The following MXD3 variants were observed in gnomAD, a reference collection of about 807,000 sequenced individuals.
MXD3 encodes Max-associated protein 3.
MXD3 carries 20 observed loss-of-function variants against 27.5 expected under a neutral mutation model. The ratio of observed to expected loss-of-function variants is 0.73; its 90% CI spans 0.51 to 1.06. MXD3 has a LOEUF of 1.06. MXD3 is among the 50% of genes least tolerant of loss of function. MXD3 has a pLI of 0.00. For missense variants in MXD3, 298 were observed against 291.3 expected (o/e 1.02, Z -0.17); for synonymous variants, 150 against 130.7 (o/e 1.15, Z -1.01).
chr5:177,305,844 C>A, downstream of MXD3: 2 of 1,593,248 alleles, frequency 1.3e-6, no homozygotes, highest in Non-Finnish European at 1.7e-6. Flanking sequence ...AAAGACTGTT[C>A]CACGATTGTG....
At chr5:177,311,916 G>C (rs575103640), upstream of MXD3, 3 of 1,490,852 alleles carry the variant, frequency 2.0e-6, no homozygotes, top group South Asian at 2.5e-5. Flanking sequence ...AACTGACACG[G>C]TGCAACAAAC....
chr5:177,305,787 C>A, downstream of MXD3: 2 of 1,133,566 alleles, frequency 1.8e-6, no homozygotes, highest in Non-Finnish European at 2.6e-6. Context: ...TGCTTCGCCT[C>A]ATGAAAAGTG....
intron 4 of MXD3, among the ~76,000 whole-genome samples, chr5:177,308,577 T>C (rs895377111): frequency 2.0e-5 from 3 of 152,078 alleles, no homozygotes; most frequent in Non-Finnish European, 4.4e-5. Flanking sequence ...TTCACCATAT[T>C]GGTCAGGCTG....
upstream of MXD3, chr5:177,312,642 A>C: frequency 1.0e-6 from 1 of 985,416 alleles, no homozygotes; most frequent in Non-Finnish European, 1.2e-6. Flanking sequence ...GAATGGGAAT[A>C]ATATCTCGGC....
intron 4 of MXD3, 40 bp downstream of exon 4, chr5:177,310,386 C>T: frequency 6.5e-7 from 1 of 1,537,510 alleles, no homozygotes. Context: ...GCCCTCCATA[C>T]ACCAGGGCAA....
chr5:177,309,142 C>A (rs1442468409), intron 4 of MXD3, among the ~76,000 whole-genome samples: 1 of 152,190 alleles, frequency 6.6e-6, no homozygotes, highest in African/African-American at 2.4e-5. Flanking sequence ...AAAAGAGCAG[C>A]CTACTGGCAA....
At chr5:177,305,688 C>T (rs575174296), downstream of MXD3, 5 of 606,398 alleles carry the variant, frequency 8.2e-6, no homozygotes, top group South Asian at 5.9e-5. Context: ...GAGAGGTTTT[C>T]GAGAGCAAAA....
chr5:177,308,984 TG>T (rs1257711357), intron 4 of MXD3, among the ~76,000 whole-genome samples: 5 of 152,172 alleles, frequency 3.3e-5, no homozygotes, highest in Non-Finnish European at 7.3e-5. Flanking sequence ...AGGGGAGAAC[TG>T]GGCCATGGAG....
downstream of MXD3, chr5:177,306,338 A>G (rs781678379): frequency 2.5e-6 from 4 of 1,600,142 alleles, no homozygotes; most frequent in African/African-American, 5.4e-5. Context: ...AGCCTGGCCC[A>G]GAGGAGATTG....
At chr5:177,306,348 G>T, downstream of MXD3, 1 of 1,603,516 alleles carries the variant, frequency 6.2e-7, no homozygotes, top group Admixed American at 1.7e-5. Context: ...AGAGGAGATT[G>T]GTGTCATGGG....
At chr5:177,305,660 C>G, downstream of MXD3, 3 of 573,244 alleles carry the variant, frequency 5.2e-6, no homozygotes, top group South Asian at 6.1e-5. Flanking sequence ...CTTTTGCCTT[C>G]TAGTTTAAGA....
chr5:177,306,276 C>A, downstream of MXD3: 1 of 1,557,828 alleles, frequency 6.4e-7, no homozygotes, highest in Non-Finnish European at 8.8e-7. Flanking sequence ...TGAGCTGGGA[C>A]TCCTTGTCTG....
downstream of MXD3, chr5:177,306,499 A>T (rs1760880015): frequency 6.2e-7 from 1 of 1,613,610 alleles, no homozygotes; most frequent in African/African-American, 1.3e-5. Context: ...ACTGGCAGCT[A>T]CAGAGAAGGC....
Position 177,307,696 on chromosome 5 carries a change from C to T in MXD3, c.513G>A (p.Leu171=), listed in dbSNP as rs761381231. 1.9e-6 allele frequency: 3 copies of T among 1,613,830 alleles called. 1 individual carries two copies. The highest frequency in any genetic ancestry group is 2.2e-5 in the South Asian group (2 of 91,088). The change falls in exon 6 of 6, where the codon CTG becomes CTA. Residue 171 remains leucine, a synonymous_variant. Coordinates refer to ENST00000439742, the MANE Select transcript of MXD3 (RefSeq NM_031300.4). ...ACACCAGGCTCTCCACATCCACCTCCAGCTCCTCTGCGCGGGGAGGGGTCC... is the reference window on the plus strand; with the variant it reads ...ACACCAGGCTCTCCACATCCACCTCTAGCTCCTCTGCGCGGGGAGGGGTCC... The part of the protein sequence containing the change: ...SERSDSDQEE[L]EVDVESLVFG...
At chr5:177,305,639 A>AAG (rs144303874), downstream of MXD3, 1 of 547,676 alleles carries the variant, frequency 1.8e-6, no homozygotes, top group South Asian at 2.1e-5. Context: ...TGTTGATCTC[A>AAG]AGAGAGAGAC....
In MXD3 at chr5:177,307,534, GGC is replaced by G. The variant is rs949104280; in HGVS notation, c.*52_*53del. The G allele has an allele frequency of 1.3e-6, 2 of 1,592,020 alleles. No homozygotes were observed. Among genetic ancestry groups the G allele is most frequent in the African/African-American group, 2.7e-5 (2 of 74,532 alleles). The stretch of plus-strand genomic sequence containing the variant: ...GAAGGCTTGGGGAGGGCTCCTGCCT[GGC>G]AAGTGGGCCTGGCACGAGTAGAGGG... On this transcript the variant is annotated 3_prime_UTR_variant, in exon 6 of 6. Coordinates refer to ENST00000439742, the MANE Select transcript of MXD3 (RefSeq NM_031300.4).
At chr5:177,311,595 C>A in intron 1 of MXD3, 111 bp from the exon 2 acceptor site, 1 of 1,147,262 alleles carries the variant, frequency 8.7e-7, no homozygotes, top group Non-Finnish European at 1.2e-6. Context: ...ACCATTTCCC[C>A]CACCCGTCCC....
chr5:177,306,067 C>T (rs1561592771), downstream of MXD3: 1 of 1,602,570 alleles, frequency 6.2e-7, no homozygotes, highest in Non-Finnish European at 8.6e-7. Context: ...GTGGGCAACT[C>T]AGTATCCTTC....
intron 2 of MXD3, chr5:177,311,102 T>G: frequency 1.9e-6 from 1 of 533,974 alleles, no homozygotes; most frequent in Non-Finnish European, 3.3e-6. Context: ...GGGAGGTGAG[T>G]GGCCTGATGT....
Sources: allele counts gnomAD v4.1 joint callset (sites outside exome capture counted in the v4.1 genomes callset), GRCh38; gene constraint gnomAD v4.1.1; transcripts MANE v1.5; gene names NCBI Gene and HGNC (gene_info 2026-07-23, HGNC 2026-07-21).